The following NOD1 variants were observed in gnomAD, a reference collection of about 807,000 sequenced individuals.
NOD1 encodes the protein nucleotide binding oligomerization domain containing 1.
Under a neutral mutation model 81.2 loss-of-function variants are expected in NOD1, and 70 were observed. The ratio of observed to expected loss-of-function variants is 0.86; its 90% CI spans 0.71 to 1.05. The LOEUF (loss-of-function observed/expected upper bound fraction) is 1.05, where lower values mean the gene tolerates loss of function less well. Ranked by LOEUF, NOD1 falls within the 50% of genes least tolerant of loss-of-function variation. The pLI is 0.00. For synonymous variants in NOD1, 508 were observed against 526.9 expected (o/e 0.96, Z 0.49); for missense variants, 1,233 against 1,228.0 (o/e 1.00, Z -0.06).
chr7:30,429,222 C>T, intron 13 of NOD1, 152 bp downstream of exon 13: 1 of 706,830 alleles, frequency 1.4e-6, no homozygotes, highest in South Asian at 1.7e-5. Context: ...GTCTGGGCCT[C>T]TGTCTACCTC....
chr7:30,455,398 C>T, intron 4 of NOD1, 87 bp from the exon 5 acceptor site: 1 of 1,073,776 alleles, frequency 9.3e-7, no homozygotes. Context: ...CAGGGCAGGG[C>T]TCTGAGTTCT....
At chr7:30,464,579 G>A (rs762491213) in intron 1 of NOD1, among the ~76,000 whole-genome samples, 18 of 152,230 alleles carry the variant, frequency 1.2e-4, no homozygotes, top group Non-Finnish European at 2.5e-4. Context: ...TGGTGTCTGG[G>A]ATCTCTAGAG....
intron 1 of NOD1, chr7:30,468,715 A>C: frequency 3.2e-6 from 2 of 626,228 alleles, no homozygotes; most frequent in Non-Finnish European, 2.0e-6. Flanking sequence ...GGCTCCACCA[A>C]CCCCCAACAT....
Position 30,425,471 on chromosome 7 carries a change from C to T in NOD1, c.*167G>A. The T allele has an allele frequency of 1.9e-5, 12 of 628,478 alleles. No homozygotes were observed. The highest frequency in any genetic ancestry group is 1.9e-4 in the South Asian group (10 of 52,456). 38.9% of individuals were successfully genotyped at this position (628,478 alleles called of 1,614,324 possible). Reference sequence around the variant, plus strand: ...TGTAGCGGGTACTTAGGGAGTTTGCCGACCAGACCTTCTGCACAGGAAGCT... The same window carrying T: ...TGTAGCGGGTACTTAGGGAGTTTGCTGACCAGACCTTCTGCACAGGAAGCT... On this transcript the variant is annotated 3_prime_UTR_variant, in exon 14 of 14. Transcript: ENST00000222823.
chr7:30,425,859 T>C (rs963542064), intron 13 of NOD1, 149 bp from the exon 14 acceptor site: 11 of 674,594 alleles, frequency 1.6e-5, no homozygotes, highest in African/African-American at 1.6e-4. Context: ...TTGCAGATAG[T>C]TCCTTCATAT....
chr7:30,445,278 T>TAAAAAAAAAAAAAAAAAAAAAAAAAACA (rs55875433), intron 9 of NOD1, among the ~76,000 whole-genome samples: 5 of 69,164 alleles, frequency 7.2e-5, no homozygotes, highest in Non-Finnish European at 1.0e-4. Context: ...AAAAAGAATC[T>TAAAAAAAAAAAAAAAAAAAAAAAAAACA]AAAAAAAAAA....
chr7:30,450,186 T>A (rs1282281651), intron 6 of NOD1, among the ~76,000 whole-genome samples: 1 of 151,470 alleles, frequency 6.6e-6, no homozygotes, highest in African/African-American at 2.4e-5. Context: ...AGAGCGGGAC[T>A]CCATTTGGGG....
At chr7:30,438,937 G>C (rs1242879515) in intron 9 of NOD1, among the ~76,000 whole-genome samples, 2 of 152,076 alleles carry the variant, frequency 1.3e-5, no homozygotes, top group African/African-American at 4.8e-5. Flanking sequence ...ATTTTTCATA[G>C]TTTCCAAATA....
At position 30,433,317 on chromosome 7, in the gene NOD1, A is replaced by C. The variant is rs995842623; in HGVS notation, c.2622-138T>G. On this transcript the variant is annotated intron_variant, in intron 11 of 13. Transcript: ENST00000222823. ...CTTGCTGAGAACCCAGAAAACAGCC[A>C]GGCTCCAAGCCCAGCCTGTCAGCCC... The C allele has an allele frequency of 7.7e-6, 5 of 650,744 alleles. No homozygotes were observed. In the African/African-American group the frequency reaches 9.1e-5, roughly 12 times the overall value. The allele number at this position is 650,744 out of a possible 1,614,324, so 40.3% of individuals were successfully genotyped here.
chr7:30,473,588 T>C (rs1788487154), intron 1 of NOD1, among the ~76,000 whole-genome samples: 1 of 152,056 alleles, frequency 6.6e-6, no homozygotes, highest in Non-Finnish European at 1.5e-5. Context: ...GCCTAAGCAA[T>C]GGATGAGGTT....
Position 30,437,653 on chromosome 7 carries a change from C to T in NOD1, c.2457G>A (p.Met819Ile), listed in dbSNP as rs1310395357. 3.3e-6 allele frequency: 5 copies of T among 1,514,648 alleles called. No individual in the cohort carries two copies. Among genetic ancestry groups the T allele is most frequent in the East Asian group, 2.7e-5 (1 of 36,800 alleles). The allele number at this position is 1,514,648 out of a possible 1,614,324, so 93.8% of individuals were successfully genotyped here. A position where few individuals can be genotyped will look rare whatever the true frequency, so the allele number is the denominator to read the frequency against. Residue 819 changes from methionine (M) to isoleucine (I), a missense_variant, in exon 10 of 14, where the codon ATG becomes ATA. Physicochemically the swap from Met to Ile is conservative, Grantham distance 10. Coordinates refer to ENST00000222823, the MANE Select transcript of NOD1 (RefSeq NM_006092.4). ...KNSKSISEVG[M>I]WGNQVGDEGA... Reference sequence around the variant, plus strand: ...CTTCATCCCCAACTTGATTGCCCCACATCCTGAGGGAGGAGACAAGATAGT... The same window carrying T: ...CTTCATCCCCAACTTGATTGCCCCATATCCTGAGGGAGGAGACAAGATAGT...
chr7:30,439,284 T>C (rs1242246944), intron 9 of NOD1, among the ~76,000 whole-genome samples: 1 of 141,254 alleles, frequency 7.1e-6, no homozygotes, highest in African/African-American at 3.2e-5. Context: ...AGCTCCGGTC[T>C]ACAGCTCCCA....
At position 30,457,035 on chromosome 7, in the gene NOD1, C is replaced by A. The variant is rs570667281; in HGVS notation, c.-114G>T. On this transcript the variant is annotated 5_prime_UTR_variant, in exon 4 of 14. Transcript: ENST00000222823. ...GCCCTCCAGGGCCCCTGCTACTCTG[C>A]GCAGCCCCTGAAGAGATCAATGACA... is the stretch of plus-strand genomic sequence containing the variant. 1.9e-4 allele frequency: 153 copies of A among 808,052 alleles called. No homozygotes were observed. In the African/African-American group the frequency reaches 2.4e-3, roughly 13 times the overall value. The allele number at this position is 808,052 out of a possible 1,614,324, so 50.1% of individuals were successfully genotyped here.
chr7:30,433,139 A>AACTCTCTGCCAC lies in NOD1; in HGVS notation c.2650_2661dup (p.Val884_Ser887dup), dbSNP rs753185980. On this transcript the variant is annotated inframe_insertion, in exon 12 of 14. Coordinates refer to ENST00000222823, the MANE Select transcript of NOD1 (RefSeq NM_006092.4). The stretch of plus-strand genomic sequence containing the variant: ...TGGTTGACTTTCAACATTTCTGCCA[A>AACTCTCTGCCAC]ACTCTCTGCCACTTCATCGTTGAGT... The AACTCTCTGCCAC allele has an allele frequency of 1.4e-5, 22 of 1,614,200 alleles. No individual in the cohort carries two copies. Among genetic ancestry groups the AACTCTCTGCCAC allele is most frequent in the Non-Finnish European group, 1.9e-5 (22 of 1,180,000 alleles).
rs1783746705 is a variant in NOD1, at chr7:30,429,393, T to C, written c.2770A>G (p.Thr924Ala). 20 of 1,614,078 alleles carry C rather than the reference T, an allele frequency of 1.2e-5. No homozygotes were observed. The highest frequency in any genetic ancestry group is 1.7e-5 in the Non-Finnish European group (20 of 1,179,876). ...AQLADALQSN[T>A]GITEICLNGN... ...TCTTACCAAATCTCTGTTATGCCAGTGTTGCTCTGTAACGCATCTGCCAGC... is the reference window on the plus strand; with the variant it reads ...TCTTACCAAATCTCTGTTATGCCAGCGTTGCTCTGTAACGCATCTGCCAGC... The change falls in exon 13 of 14, where the codon ACT becomes GCT. Residue 924 changes from threonine to alanine, a missense_variant. By Grantham distance (58) the Thr-to-Ala change is moderately conservative. Coordinates refer to ENST00000222823, the MANE Select transcript of NOD1 (RefSeq NM_006092.4).
At chr7:30,427,912 TAAG>T (rs1219438827) in intron 13 of NOD1, among the ~76,000 whole-genome samples, 1 of 152,128 alleles carries the variant, frequency 6.6e-6, no homozygotes, top group Admixed American at 6.5e-5. Flanking sequence ...CCTCAAAACT[TAAG>T]AATCAGCAGA....
At chr7:30,455,026 G>A (rs1364646271) in intron 5 of NOD1, 111 bp downstream of exon 5, 2 of 1,045,266 alleles carry the variant, frequency 1.9e-6, no homozygotes, top group Non-Finnish European at 2.8e-6. Context: ...AATCAAAATA[G>A]CACCTGGGCC....
chr7:30,464,407 A>C (rs776570531), intron 1 of NOD1, among the ~76,000 whole-genome samples: 19 of 152,324 alleles, frequency 1.2e-4, no homozygotes, highest in Admixed American at 2.6e-4. Flanking sequence ...TTCTACAGAG[A>C]TCCACTGAGC....
chr7:30,429,470 C>T lies in NOD1; in HGVS notation c.2706-13G>A, dbSNP rs770986076. The T allele has an allele frequency of 1.7e-5, 27 of 1,611,476 alleles. No homozygotes were observed. Among genetic ancestry groups the T allele is most frequent in the Non-Finnish European group, 2.2e-5 (26 of 1,177,702 alleles). On this transcript the variant is annotated splice_polypyrimidine_tract_variant and intron_variant, in intron 12 of 13. Transcript: ENST00000222823. ...ATTCTGGATAAGCCTGAAAGAAGAA[C>T]ATAACTTGTATAAAATCCATAATAC... is the stretch of plus-strand genomic sequence containing the variant.
Sources: gnomAD v4.1 joint callset for allele counts (sites outside exome capture counted in the v4.1 genomes callset) on GRCh38, gnomAD v4.1.1 for gene constraint, MANE v1.5 for transcripts, NCBI Gene and HGNC (gene_info 2026-07-23, HGNC 2026-07-21) for gene names.